CHCHD3: variants seen among roughly 807,000 people sequenced by gnomAD.
CHCHD3 encodes the protein coiled-coil-helix-coiled-coil-helix domain containing 3, also known as MICOS complex subunit MIC19.
In CHCHD3, 20 loss-of-function variants were observed where a neutral mutation model predicts 38.2. The observed-to-expected ratio is 0.52, with a 90% CI of 0.37 to 0.76. CHCHD3 has a LOEUF of 0.76. CHCHD3 is among the 30% of genes least tolerant of loss of function. CHCHD3 has a pLI of 0.00. For missense variants in CHCHD3, 245 were observed against 279.2 expected (o/e 0.88, Z 0.87); for synonymous variants, 82 against 100.0 (o/e 0.82, Z 1.07).
intron 2 of CHCHD3, among the ~76,000 whole-genome samples, chr7:133,037,246 T>C (rs1417420540): frequency 2.0e-5 from 3 of 152,080 alleles, no homozygotes; most frequent in Non-Finnish European, 4.4e-5. Flanking sequence ...CTAAGAAACA[T>C]GAAGTGTAGT....
At chr7:132,793,165 G>A (rs578054741) in intron 7 of CHCHD3, among the ~76,000 whole-genome samples, 16 of 152,198 alleles carry the variant, frequency 1.1e-4, no homozygotes, top group South Asian at 2.1e-4. Flanking sequence ...TCATAGGCAC[G>A]CTCAGAGGAA....
At chr7:133,075,020 G>A (rs6467461) in intron 1 of CHCHD3, among the ~76,000 whole-genome samples, 147,054 of 152,270 alleles carry the variant, frequency 0.97, 71,235 homozygotes, top group Middle Eastern at 1. Flanking sequence ...GACCAGGCCT[G>A]CAGCTATTGC....
chr7:132,902,610 C>A (rs954826239), intron 4 of CHCHD3, among the ~76,000 whole-genome samples: 1 of 152,014 alleles, frequency 6.6e-6, no homozygotes, highest in South Asian at 2.1e-4. Context: ...TAGGTGGGAA[C>A]TGAACAATGA....
intron 4 of CHCHD3, among the ~76,000 whole-genome samples, chr7:132,970,635 A>G (rs1811589730): frequency 6.6e-6 from 1 of 152,196 alleles, no homozygotes; most frequent in East Asian, 1.9e-4. Context: ...TTCATAGATC[A>G]TTAGTACCTA....
At chr7:133,017,177 T>C (rs1813054254) in intron 3 of CHCHD3, among the ~76,000 whole-genome samples, 1 of 152,182 alleles carries the variant, frequency 6.6e-6, no homozygotes, top group Non-Finnish European at 1.5e-5. Flanking sequence ...AGCACTTAAA[T>C]CAGCTTTACT....
At chr7:133,031,519 TTA>T (rs1813503685) in intron 2 of CHCHD3, among the ~76,000 whole-genome samples, 1 of 152,100 alleles carries the variant, frequency 6.6e-6, no homozygotes, top group Admixed American at 6.5e-5. Flanking sequence ...TGCATAATCC[TTA>T]CACTATAATT....
chr7:132,895,336 T>A (rs1023583231), intron 4 of CHCHD3, among the ~76,000 whole-genome samples: 31 of 152,232 alleles, frequency 2.0e-4, no homozygotes, highest in Admixed American at 2.0e-3. Flanking sequence ...AGATCTTACA[T>A]ACTGTAGAAT....
intron 4 of CHCHD3, among the ~76,000 whole-genome samples, chr7:132,959,919 T>A (rs1261735358): frequency 6.6e-6 from 1 of 151,962 alleles, no homozygotes; most frequent in Non-Finnish European, 1.5e-5. Context: ...TGAAAACTAG[T>A]GTATTCTGGA....
chr7:132,851,111 A>C (rs1291890125), intron 5 of CHCHD3, among the ~76,000 whole-genome samples: 2 of 152,236 alleles, frequency 1.3e-5, no homozygotes, highest in Non-Finnish European at 2.9e-5. Flanking sequence ...ATATTTTATA[A>C]AATGATAAGC....
intron 4 of CHCHD3, among the ~76,000 whole-genome samples, chr7:132,954,156 T>A (rs1811102376): frequency 6.6e-6 from 1 of 152,048 alleles, no homozygotes; most frequent in Non-Finnish European, 1.5e-5. Context: ...GCCTGCCATG[T>A]GCTTCCAAGG....
chr7:133,009,477 C>G (rs1237658106), intron 3 of CHCHD3, among the ~76,000 whole-genome samples: 3 of 151,184 alleles, frequency 2.0e-5, no homozygotes, highest in Middle Eastern at 3.4e-3. Context: ...CCCTGATTCC[C>G]AGAAGCCAGG....
chr7:132,796,648 C>A, intron 6 of CHCHD3, 71 bp from the exon 7 acceptor site: 1 of 1,363,396 alleles, frequency 7.3e-7, no homozygotes, highest in South Asian at 1.3e-5. Context: ...TTAAAGAACA[C>A]ATAAAACGCA....
At position 133,034,635 on chromosome 7, in the gene CHCHD3, G is replaced by A. The variant is rs750393466; in HGVS notation, c.170-10008C>T. On this transcript the variant is annotated intron_variant, in intron 2 of 7. Coordinates refer to ENST00000262570, the MANE Select transcript of CHCHD3 (RefSeq NM_017812.4). ...CTTGAAGATCTTGCCGTGATTGAAG[G>A]CTTTGCCCACATGCTGGAAGGCCCC... 5.0e-6 allele frequency: 8 copies of A among 1,605,042 alleles called. No homozygotes were observed. The South Asian group carries it at 6.6e-5, about 13-fold the overall frequency.
At chr7:132,852,791 G>A (rs1365699244) in intron 5 of CHCHD3, among the ~76,000 whole-genome samples, 4 of 152,174 alleles carry the variant, frequency 2.6e-5, no homozygotes, top group Non-Finnish European at 4.4e-5. Flanking sequence ...TAGCTGGAGA[G>A]GCCAAGACAA....
intron 2 of CHCHD3, among the ~76,000 whole-genome samples, chr7:133,060,277 G>C (rs1285524860): frequency 6.6e-6 from 1 of 152,198 alleles, no homozygotes; most frequent in Non-Finnish European, 1.5e-5. Flanking sequence ...CAAAGCAAGG[G>C]GGAGTGCTGA....
intron 5 of CHCHD3, among the ~76,000 whole-genome samples, chr7:132,884,061 C>T (rs1809144069): frequency 6.6e-6 from 1 of 152,158 alleles, no homozygotes; most frequent in Non-Finnish European, 1.5e-5. Flanking sequence ...CAGACCCACA[C>T]CAGTCATCCC....
At chr7:132,900,847 T>A (rs1401023083) in intron 4 of CHCHD3, among the ~76,000 whole-genome samples, 1 of 151,850 alleles carries the variant, frequency 6.6e-6, no homozygotes, top group South Asian at 2.1e-4. Flanking sequence ...AAAAATTAGC[T>A]GGGTGTGGTG....
At chr7:133,001,812 T>C (rs576179442) in intron 3 of CHCHD3, among the ~76,000 whole-genome samples, 39 of 152,312 alleles carry the variant, frequency 2.6e-4, no homozygotes, top group African/African-American at 8.9e-4. Context: ...TTCTCTGAAA[T>C]GAATGAATAC....
chr7:132,930,921 TC>T (rs1400900000), intron 4 of CHCHD3, among the ~76,000 whole-genome samples: 1 of 152,206 alleles, frequency 6.6e-6, no homozygotes, highest in African/African-American at 2.4e-5. Flanking sequence ...CAGTCCCATC[TC>T]CAGGGCCTGA....
Sources: gnomAD v4.1 joint callset for allele counts (sites outside exome capture counted in the v4.1 genomes callset) on GRCh38, gnomAD v4.1.1 for gene constraint, MANE v1.5 for transcripts, NCBI Gene and HGNC (gene_info 2026-07-23, HGNC 2026-07-21) for gene names.